The following DNAH6 variants were observed in gnomAD, a reference collection of about 807,000 sequenced individuals.
DNAH6 encodes axonemal beta dynein heavy chain 6.
A neutral mutation model predicts 491.4 loss-of-function variants in DNAH6; 340 were observed. The observed-to-expected ratio is 0.69, with a 90% CI of 0.63 to 0.76. DNAH6 has a LOEUF of 0.76. Among genes scored for constraint, DNAH6 ranks in the 30% least tolerant of loss-of-function variants. The probability of loss-of-function intolerance (pLI) is 0.00; values close to 1 mark genes in which losing one functional copy is unlikely to be tolerated. For missense variants in DNAH6, 4,443 were observed against 4,972.2 expected, an observed-to-expected ratio of 0.89 and a Z score of 3.20; for synonymous variants, 1,603 against 1,686.1, an observed-to-expected ratio of 0.95 and a Z score of 1.21.
At chr2:84,565,566 T>C (rs1382359333) in intron 11 of DNAH6, among the ~76,000 whole-genome samples, 1 of 151,930 alleles carries the variant, frequency 6.6e-6, no homozygotes, top group Non-Finnish European at 1.5e-5. Flanking sequence ...TCTTGTTGTG[T>C]TTATTCTTTT....
At chr2:84,727,297 T>C (rs938619689) in intron 60 of DNAH6, among the ~76,000 whole-genome samples, 1 of 152,088 alleles carries the variant, frequency 6.6e-6, no homozygotes, top group Non-Finnish European at 1.5e-5. Context: ...AGAAAACAAA[T>C]ATCACATATC....
chr2:84,508,983 T>C, the DNAH6 span, among the ~76,000 whole-genome samples: 1 of 152,328 alleles, frequency 6.6e-6, no homozygotes, highest in South Asian at 2.1e-4. Context: ...GTGCTTTACT[T>C]CCTACTATGT....
rs1692500149 is a variant in DNAH6, at chr2:84,669,473, A to G, written c.6269A>G (p.His2090Arg). Reference sequence around the variant, plus strand: ...ATGGAAAAACTACTGGCAGTCAAGCATTCCGTGTTGTTTACTGGAATAACT... The same window carrying G: ...ATGGAAAAACTACTGGCAGTCAAGCGTTCCGTGTTGTTTACTGGAATAACT... ...YLMEKLLAVK[H>R]SVLFTGITGV... The change falls in exon 38 of 77, where the codon CAT becomes CGT. Residue 2090 changes from histidine to arginine, a missense_variant. His to Arg is a conservative substitution (Grantham distance 29, BLOSUM62 0). Around this residue, in one of 3 missense-constraint regions of DNAH6, gnomAD observed 2,977 missense variants for 3,296.6 expected, o/e 0.90. Coordinates refer to ENST00000389394, the MANE Select transcript of DNAH6 (RefSeq NM_001370.2). 6.4e-7 allele frequency: 1 copy of G among 1,551,884 alleles called. No individual in the cohort carries two copies. The highest frequency in any genetic ancestry group is 1.7e-4 in the Middle Eastern group (1 of 5,994).
At chr2:84,639,129 TCC>T (rs1022654921) in intron 31 of DNAH6, among the ~76,000 whole-genome samples, 1 of 151,972 alleles carries the variant, frequency 6.6e-6, no homozygotes, top group Non-Finnish European at 1.5e-5. Flanking sequence ...AGCTCAGGGG[TCC>T]CCCATACCCA....
chr2:84,706,145 A>G (rs1696405554), intron 52 of DNAH6, among the ~76,000 whole-genome samples: 1 of 152,240 alleles, frequency 6.6e-6, no homozygotes, highest in South Asian at 2.1e-4. Flanking sequence ...CCAAGAAGAA[A>G]AAAGAATGAT....
intron 33 of DNAH6, among the ~76,000 whole-genome samples, chr2:84,645,241 G>T (rs891975164): frequency 1.3e-5 from 2 of 152,048 alleles, no homozygotes; most frequent in African/African-American, 4.8e-5. Context: ...CCAATATGGT[G>T]AAACCCTGTC....
At chr2:84,779,360 T>A (rs575203192) in intron 64 of DNAH6, among the ~76,000 whole-genome samples, 16 of 152,344 alleles carry the variant, frequency 1.1e-4, no homozygotes, top group East Asian at 3.9e-4. Context: ...TAGTTAAGTC[T>A]TTTTGTTGAA....
chr2:84,731,120 A>C (rs1699081591), intron 61 of DNAH6, among the ~76,000 whole-genome samples: 1 of 152,198 alleles, frequency 6.6e-6, no homozygotes, highest in African/African-American at 2.4e-5. Flanking sequence ...TAAGGACAGC[A>C]AATCTTGTGG....
intron 31 of DNAH6, 66 bp from the exon 32 acceptor site, chr2:84,640,364 G>A: frequency 1.0e-6 from 1 of 981,528 alleles, no homozygotes; most frequent in East Asian, 2.7e-5. Flanking sequence ...TGACTATGTT[G>A]GTATCATGCT....
At chr2:84,544,174 A>G (rs1573560055) in intron 4 of DNAH6, 59 bp from the exon 5 acceptor site, 1 of 906,496 alleles carries the variant, frequency 1.1e-6, no homozygotes. Flanking sequence ...AAGCAATGCA[A>G]TTGCTTCATT....
At chr2:84,626,650 C>G (rs1408993404) in intron 29 of DNAH6, among the ~76,000 whole-genome samples, 1 of 152,114 alleles carries the variant, frequency 6.6e-6, no homozygotes, top group Non-Finnish European at 1.5e-5. Context: ...CTCTATTGCC[C>G]AGGATGCAGT....
chr2:84,577,429 A>G (rs1282065646), intron 13 of DNAH6, 21 bp downstream of exon 13: 2 of 1,517,348 alleles, frequency 1.3e-6, no homozygotes, highest in East Asian at 4.6e-5. Context: ...ACTAGAAAAA[A>G]AAATAATTAT....
chr2:84,708,377 G>A (rs929712504), intron 54 of DNAH6, among the ~76,000 whole-genome samples: 21 of 151,040 alleles, frequency 1.4e-4, no homozygotes, highest in Non-Finnish European at 2.2e-4. Flanking sequence ...CCCAGGAAGC[G>A]GAGGTTGCCG....
the DNAH6 span, among the ~76,000 whole-genome samples, chr2:84,461,518 G>C: frequency 6.6e-6 from 1 of 152,088 alleles, no homozygotes; most frequent in Non-Finnish European, 1.5e-5. Context: ...GACAGGTCTG[G>C]GTTCAAATTC....
At chr2:84,496,971 CTTTTT>C in the DNAH6 span, among the ~76,000 whole-genome samples, 50 of 121,974 alleles carry the variant, frequency 4.1e-4, no homozygotes, top group Non-Finnish European at 4.3e-4. Flanking sequence ...AATATGTACT[CTTTTT>C]TTTTTTTTTT....
chr2:84,611,634 G>T, intron 21 of DNAH6, 40 bp from the exon 22 acceptor site: 1 of 1,470,870 alleles, frequency 6.8e-7, no homozygotes, highest in Non-Finnish European at 9.3e-7. Context: ...GTTTTTAATT[G>T]GGGAATTAAA....
intron 33 of DNAH6, among the ~76,000 whole-genome samples, chr2:84,647,429 G>A (rs949638818): frequency 3.3e-5 from 5 of 152,122 alleles, no homozygotes; most frequent in African/African-American, 1.2e-4. Flanking sequence ...GACTTTCATA[G>A]TGAAAAAGGA....
At chr2:84,582,420 A>G (rs1039932606) in intron 14 of DNAH6, among the ~76,000 whole-genome samples, 2 of 151,374 alleles carry the variant, frequency 1.3e-5, no homozygotes, top group African/African-American at 4.8e-5. Flanking sequence ...TGAATCAGAC[A>G]CTCTCGGGAG....
intron 68 of DNAH6, among the ~76,000 whole-genome samples, chr2:84,794,199 C>T (rs1436230906): frequency 3.3e-5 from 5 of 152,124 alleles, no homozygotes; most frequent in Admixed American, 6.5e-5. Context: ...AAGACTTAAA[C>T]GTTAGACCTA....
Sources: allele counts gnomAD v4.1 joint callset (sites outside exome capture counted in the v4.1 genomes callset), GRCh38; gene constraint gnomAD v4.1.1; regional missense constraint gnomAD v4.1.1; transcripts MANE v1.5; gene names NCBI Gene and HGNC (gene_info 2026-07-23, HGNC 2026-07-21).